GMDS: variants seen among roughly 807,000 people sequenced by gnomAD.
GMDS encodes the protein GDP-mannose 4,6 dehydratase.
A neutral mutation model predicts 49.9 loss-of-function variants in GMDS; 20 were observed. That is an observed-to-expected ratio of 0.40 (90% CI 0.28 to 0.58). GMDS has a LOEUF of 0.58. Ranked by LOEUF, GMDS falls within the 20% of genes least tolerant of loss-of-function variation. The pLI, the probability that GMDS is intolerant of heterozygous loss-of-function variation, is 0.42. For missense variants in GMDS, 362 were observed against 481.4 expected, an observed-to-expected ratio of 0.75 and a Z score of 2.32; for synonymous variants, 177 against 178.6, an observed-to-expected ratio of 0.99 and a Z score of 0.07.
chr6:1,861,014 T>C (rs765438876), intron 7 of GMDS, among the ~76,000 whole-genome samples: 2 of 152,200 alleles, frequency 1.3e-5, no homozygotes, highest in East Asian at 3.8e-4. Context: ...CAATGAAATA[T>C]CACGCTTCTC....
chr6:2,004,492 G>C (rs1767032967), intron 4 of GMDS, among the ~76,000 whole-genome samples: 1 of 152,058 alleles, frequency 6.6e-6, no homozygotes, highest in African/African-American at 2.4e-5. Context: ...AACATTAAAG[G>C]TATTTCTCCT....
chr6:1,798,520 T>C (rs1433881079), intron 7 of GMDS, among the ~76,000 whole-genome samples: 6 of 152,148 alleles, frequency 3.9e-5, no homozygotes, highest in African/African-American at 9.7e-5. Flanking sequence ...CATCCAGGCT[T>C]TCTCGTAGCT....
At chr6:1,678,503 G>C (rs1313560016) in intron 9 of GMDS, among the ~76,000 whole-genome samples, 3 of 152,184 alleles carry the variant, frequency 2.0e-5, no homozygotes, top group East Asian at 1.9e-4. Context: ...CTTTCTTCTT[G>C]TTGTGGGGGC....
At chr6:2,244,237 G>A (rs530318798) in intron 1 of GMDS, among the ~76,000 whole-genome samples, 42 of 151,908 alleles carry the variant, frequency 2.8e-4, no homozygotes, top group African/African-American at 9.7e-4. Context: ...ACTTCCCAGC[G>A]GTTTAACCTC....
intron 1 of GMDS, among the ~76,000 whole-genome samples, chr6:2,154,249 T>G (rs1324269318): frequency 6.6e-6 from 1 of 152,188 alleles, no homozygotes; most frequent in Non-Finnish European, 1.5e-5. Flanking sequence ...TCTTCAGCTG[T>G]TGGCCCAGTC....
chr6:1,876,708 CA>C (rs1759086614), intron 7 of GMDS, among the ~76,000 whole-genome samples: 1 of 152,138 alleles, frequency 6.6e-6, no homozygotes, highest in Non-Finnish European at 1.5e-5. Flanking sequence ...AATATAAATA[CA>C]ATATAAATGC....
intron 7 of GMDS, among the ~76,000 whole-genome samples, chr6:1,863,516 A>G (rs1422884239): frequency 1.3e-5 from 2 of 152,102 alleles, no homozygotes; most frequent in African/African-American, 2.4e-5. Context: ...GTGTTCCAAT[A>G]TAAGTGGGGA....
chr6:1,867,674 GAT>G (rs757195874), intron 7 of GMDS, among the ~76,000 whole-genome samples: 12 of 152,198 alleles, frequency 7.9e-5, no homozygotes, highest in Non-Finnish European at 1.3e-4. Flanking sequence ...AGGATAGGGA[GAT>G]ATGAGAAAAT....
chr6:2,104,290 A>C (rs950605911), intron 4 of GMDS, among the ~76,000 whole-genome samples: 2 of 152,238 alleles, frequency 1.3e-5, no homozygotes, highest in Non-Finnish European at 2.9e-5. Context: ...CCAGAAATTC[A>C]GTGTATTACA....
At chr6:1,959,764 T>C (rs1763836606) in intron 6 of GMDS, 103 bp downstream of exon 6, 2 of 491,672 alleles carry the variant, frequency 4.1e-6, no homozygotes, top group African/African-American at 2.0e-5. Flanking sequence ...TAGATACAGA[T>C]AGGAAATTTT....
intron 4 of GMDS, among the ~76,000 whole-genome samples, chr6:2,047,856 C>T (rs1375772543): frequency 6.6e-6 from 1 of 152,158 alleles, no homozygotes; most frequent in African/African-American, 2.4e-5. Context: ...TTTAAATGCA[C>T]TGTCACCATT....
chr6:2,008,263 A>G (rs1033123532), intron 4 of GMDS, among the ~76,000 whole-genome samples: 2 of 152,234 alleles, frequency 1.3e-5, no homozygotes, highest in Admixed American at 6.5e-5. Flanking sequence ...CATTTTTAAC[A>G]TCGTTTTAAA....
intron 1 of GMDS, among the ~76,000 whole-genome samples, chr6:2,188,090 C>G (rs1446728312): frequency 6.6e-6 from 1 of 152,206 alleles, no homozygotes; most frequent in Admixed American, 6.5e-5. Flanking sequence ...GTTCTCAATT[C>G]AGGCTGACAA....
intron 4 of GMDS, among the ~76,000 whole-genome samples, chr6:2,092,726 G>C (rs1773389457): frequency 6.6e-6 from 1 of 152,078 alleles, no homozygotes; most frequent in Non-Finnish European, 1.5e-5. Flanking sequence ...GCCTAAAAAA[G>C]TGCTACACAT....
chr6:1,936,496 A>G (rs1189754438), intron 6 of GMDS, among the ~76,000 whole-genome samples: 2 of 152,200 alleles, frequency 1.3e-5, no homozygotes, highest in Non-Finnish European at 2.9e-5. Flanking sequence ...TCAGACCAGC[A>G]AGTCATCAGC....
chr6:2,168,344 G>GC (rs1186238534), intron 1 of GMDS, among the ~76,000 whole-genome samples: 1 of 152,192 alleles, frequency 6.6e-6, no homozygotes, highest in African/African-American at 2.4e-5. Context: ...ACAGCTTCAT[G>GC]CGCACCACTT....
chr6:1,806,457 C>CACAG (rs1359975576), intron 7 of GMDS, among the ~76,000 whole-genome samples: 1 of 151,828 alleles, frequency 6.6e-6, no homozygotes, highest in African/African-American at 2.4e-5. Flanking sequence ...CACACACACA[C>CACAG]ACACACACAC....
At chr6:1,978,525 T>A (rs986043610) in intron 4 of GMDS, among the ~76,000 whole-genome samples, 1 of 152,108 alleles carries the variant, frequency 6.6e-6, no homozygotes, top group East Asian at 1.9e-4. Flanking sequence ...TCCGTTATAC[T>A]CCTCCTTGTG....
intron 1 of GMDS, among the ~76,000 whole-genome samples, chr6:2,141,384 T>C (rs1423935558): frequency 6.6e-6 from 1 of 152,230 alleles, no homozygotes; most frequent in Non-Finnish European, 1.5e-5. Flanking sequence ...CTGTTTATCA[T>C]ACGCACATGT....
Sources: allele counts gnomAD v4.1 joint callset (sites outside exome capture counted in the v4.1 genomes callset), GRCh38; gene constraint gnomAD v4.1.1; transcripts MANE v1.5; gene names NCBI Gene and HGNC (gene_info 2026-07-23, HGNC 2026-07-21).